Variants in USP9X observed in about 807,000 individuals in gnomAD.
USP9X encodes ubiquitin specific peptidase 9 X-linked, also known as ubiquitin carboxyl-terminal hydrolase 9X.
Under a neutral mutation model 190.3 loss-of-function variants are expected in USP9X, and 7 were observed. That is an observed-to-expected ratio of 0.04 (90% CI 0.02 to 0.07). The LOEUF (loss-of-function observed/expected upper bound fraction) is 0.07, where lower values mean the gene tolerates loss of function less well. Ranked by LOEUF, USP9X falls within the 10% of genes least tolerant of loss-of-function variation. The pLI, the probability that USP9X is intolerant of heterozygous loss-of-function variation, is 1.00. For synonymous variants in USP9X, 645 were observed against 659.5 expected (o/e 0.98, Z 0.34); for missense variants, 1,010 against 1,916.9 (o/e 0.53, Z 8.83).
chrX:41,147,590 A>G (rs1457528964), intron 11 of USP9X, among the ~76,000 whole-genome samples: 1 of 108,228 alleles, frequency 9.2e-6, no homozygotes, highest in African/African-American at 3.4e-5. Context: ...AGTAGCTGGG[A>G]TTACAGGCAT....
chrX:41,176,156 C>T (rs906199101), intron 21 of USP9X, among the ~76,000 whole-genome samples: 3 of 111,313 alleles, frequency 2.7e-5, no homozygotes, highest in African/African-American at 6.5e-5. Context: ...TTTCTTTGAA[C>T]GCAGAAGGAC....
chrX:41,127,282 G>T (rs1313060730), intron 2 of USP9X, among the ~76,000 whole-genome samples: 4 of 110,824 alleles, frequency 3.6e-5, no homozygotes, highest in Non-Finnish European at 1.9e-5. Flanking sequence ...ATTTTTTTAA[G>T]ATTCTTAATC....
rs1039589654 is a variant in USP9X, at chrX:41,223,263, T to C, written c.6612T>C (p.Thr2204=). The change falls in exon 39 of 45, where the codon ACT becomes ACC. Residue 2204 remains threonine, a synonymous_variant. Transcript: ENST00000378308. Reference sequence around the variant, plus strand: ...TTCTGAAATTGAGTGTACCTGCTACTTTTATGCTTGTGTCTTTAGATGAAG... The same window carrying C: ...TTCTGAAATTGAGTGTACCTGCTACCTTTATGCTTGTGTCTTTAGATGAAG... The part of the protein sequence containing the change: ...TQLLKLSVPA[T]FMLVSLDEGP... 26 of 1,209,998 alleles carry C rather than the reference T, an allele frequency of 2.1e-5. No individual in the cohort carries two copies. Among genetic ancestry groups the C allele is most frequent in the Non-Finnish European group, 2.9e-5 (26 of 895,247 alleles).
intron 30 of USP9X, among the ~76,000 whole-genome samples, chrX:41,199,681 G>A (rs925539821): frequency 2.7e-5 from 3 of 111,365 alleles, no homozygotes; most frequent in South Asian, 3.7e-4. Context: ...CACCTGCCTC[G>A]GCCTCCCAAA....
intron 15 of USP9X, among the ~76,000 whole-genome samples, chrX:41,163,901 G>A (rs948658571): frequency 1.9e-5 from 2 of 107,581 alleles, no homozygotes; most frequent in Middle Eastern, 4.8e-3. Context: ...TTTTTGAGAC[G>A]GAGTCTCACT....
intron 1 of USP9X, among the ~76,000 whole-genome samples, chrX:41,112,510 G>A (rs1188282099): frequency 8.9e-6 from 1 of 111,965 alleles, no homozygotes; most frequent in African/African-American, 3.2e-5. Flanking sequence ...ATGATTAAAT[G>A]AGATTATACA....
At chrX:41,117,964 TCTC>T (rs1171571076) in intron 1 of USP9X, among the ~76,000 whole-genome samples, 1 of 110,340 alleles carries the variant, frequency 9.1e-6, no homozygotes, top group Non-Finnish European at 1.9e-5. Context: ...TTCAAGCGAT[TCTC>T]CTGCCACAGC....
At position 41,201,045 on chromosome X, in the gene USP9X, C is replaced by G. The variant is rs963952147; in HGVS notation, c.4604-15C>G. ...ATGGCCGTGTTCATGCTACAAGAAT[C>G]TTTCCTTCTCTCAGCTTGTGAAGCA... On this transcript the variant is annotated splice_polypyrimidine_tract_variant and intron_variant, in intron 30 of 44. Transcript: ENST00000378308. The G allele has an allele frequency of 8.3e-7, 1 of 1,203,823 alleles. No individual in the cohort carries two copies.
intron 33 of USP9X, among the ~76,000 whole-genome samples, chrX:41,213,421 G>C (rs2063183605): frequency 8.9e-6 from 1 of 112,202 alleles, no homozygotes; most frequent in Middle Eastern, 4.2e-3. Flanking sequence ...CCCAACTGTA[G>C]GCTAATATAA....
At chrX:41,168,308 G>T in intron 18 of USP9X, 90 bp downstream of exon 18, 1 of 827,526 alleles carries the variant, frequency 1.2e-6, no homozygotes, top group Non-Finnish European at 1.6e-6. Flanking sequence ...AATTTTTCTC[G>T]TTTGAAAATT....
chrX:41,170,616 A>G lies in USP9X; in HGVS notation c.3024A>G (p.Gly1008=). Residue 1008 remains glycine (G), a synonymous_variant, in exon 20 of 45, where the codon GGA becomes GGG. Coordinates refer to ENST00000378308, the MANE Select transcript of USP9X (RefSeq NM_001039591.3). ...PNPEVESCLP[G]VIMSLHPRYI... is the part of the protein sequence containing the mutation. ...CAGAAGTGGAAAGCTGTTTGCCTGGAGTGGTGAGTAGATACAGTTTTGAAC... is the reference window on the plus strand; with the variant it reads ...CAGAAGTGGAAAGCTGTTTGCCTGGGGTGGTGAGTAGATACAGTTTTGAAC... 1.7e-6 allele frequency: 2 copies of G among 1,208,313 alleles called. No homozygotes were observed. The highest frequency in any genetic ancestry group is 2.2e-6 in the Non-Finnish European group (2 of 893,836).
At chrX:41,185,275 C>G (rs752624868) in intron 23 of USP9X, among the ~76,000 whole-genome samples, 1 of 112,050 alleles carries the variant, frequency 8.9e-6, no homozygotes, top group South Asian at 3.7e-4. Context: ...GCTTAGTTTT[C>G]AATTGTGGAG....
At chrX:41,146,669 T>TC in intron 11 of USP9X, among the ~76,000 whole-genome samples, 1 of 60,627 alleles carries the variant, frequency 1.6e-5, no homozygotes, top group Non-Finnish European at 3.2e-5. Context: ...TTTGCCTTTT[T>TC]TTTTTTTTTT....
intron 30 of USP9X, 120 bp downstream of exon 30, chrX:41,198,870 T>G: frequency 1.5e-6 from 1 of 680,874 alleles, no homozygotes. Context: ...AGTTTAACAT[T>G]TTTAGTGAGT....
At chrX:41,109,992 T>C (rs2146956421) in intron 1 of USP9X, among the ~76,000 whole-genome samples, 1 of 111,742 alleles carries the variant, frequency 8.9e-6, no homozygotes, top group African/African-American at 3.3e-5. Context: ...AAAAATAACT[T>C]ACTGTATTTC....
intron 25 of USP9X, among the ~76,000 whole-genome samples, chrX:41,188,472 T>C (rs2239494): frequency 0.13 from 14,968 of 111,846 alleles, 914 homozygotes; most frequent in East Asian, 0.22. Flanking sequence ...CATTTAAGTA[T>C]TTTTATTTGA....
intron 21 of USP9X, among the ~76,000 whole-genome samples, chrX:41,174,775 G>A (rs972627916): frequency 9.0e-6 from 1 of 111,284 alleles, no homozygotes; most frequent in African/African-American, 3.3e-5. Context: ...TGGGCAGATC[G>A]CTTGAGGCCG....
At chrX:41,115,994 T>C (rs2062145554) in intron 1 of USP9X, among the ~76,000 whole-genome samples, 1 of 111,847 alleles carries the variant, frequency 8.9e-6, no homozygotes, top group Non-Finnish European at 1.9e-5. Flanking sequence ...GAAATTCAGT[T>C]CTGCAAAGTT....
chrX:41,111,674 C>T (rs970689837), intron 1 of USP9X, among the ~76,000 whole-genome samples: 1 of 110,597 alleles, frequency 9.0e-6, no homozygotes, highest in Non-Finnish European at 1.9e-5. Flanking sequence ...CAGAGGCTCT[C>T]AGAGGTGGCA....
Sources: allele counts gnomAD v4.1 joint callset (sites outside exome capture counted in the v4.1 genomes callset), GRCh38; gene constraint gnomAD v4.1.1; transcripts MANE v1.5; gene names NCBI Gene and HGNC (gene_info 2026-07-23, HGNC 2026-07-21).